Variants in CELSR1 observed in about 807,000 individuals in gnomAD.
CELSR1 encodes the protein cadherin EGF LAG seven-pass G-type receptor 1.
A neutral mutation model predicts 249.1 loss-of-function variants in CELSR1; 110 were observed. That is an observed-to-expected ratio of 0.44 (90% CI 0.38 to 0.52). The LOEUF (loss-of-function observed/expected upper bound fraction) is 0.52, where lower values mean the gene tolerates loss of function less well. CELSR1 is among the 20% of genes least tolerant of loss of function. The probability of loss-of-function intolerance (pLI) is 0.00; values close to 1 mark genes in which losing one functional copy is unlikely to be tolerated. For synonymous variants in CELSR1, 2,113 were observed against 1,900.0 expected (o/e 1.11, Z -2.92); for missense variants, 4,109 against 4,296.4 (o/e 0.96, Z 1.22).
intron 30 of CELSR1, among the ~76,000 whole-genome samples, 196 bp downstream of exon 30, chr22:46,366,190 A>ACG (rs2078776532): frequency 5.9e-4 from 2 of 3,372 alleles, no homozygotes; most frequent in Non-Finnish European, 4.7e-4. Flanking sequence ...GGGAAGGTGC[A>ACG]GGGGAAGGGA....
At chr22:46,520,579 G>C (rs1173930799) in intron 1 of CELSR1, among the ~76,000 whole-genome samples, 2 of 151,944 alleles carry the variant, frequency 1.3e-5, no homozygotes, top group African/African-American at 4.8e-5. Flanking sequence ...TCCTACCTCA[G>C]CCTCCTGAGT....
intron 3 of CELSR1, among the ~76,000 whole-genome samples, chr22:46,438,147 A>G (rs1172885132): frequency 1.3e-5 from 2 of 150,520 alleles, no homozygotes; most frequent in African/African-American, 2.5e-5. Context: ...GCAAGCAAAA[A>G]GCAAAAAAAA....
rs1408359768 is a variant in CELSR1, at chr22:46,534,080, T to C, written c.3091A>G (p.Asn1031Asp). The stretch of plus-strand genomic sequence containing the variant: ...ACAATCTGATACATGATCTGGGCAT[T>C]AGGGCCTTCATCAGGGTCGTTAGCA... ...IRANDPDEGP[N>D]AQIMYQIVEG... is the part of the protein sequence containing the mutation. Residue 1031 changes from asparagine (N) to aspartate (D), a missense_variant, in exon 1 of 35, where the codon AAT becomes GAT. Physicochemically the swap from Asn to Asp is conservative, Grantham distance 23. Transcript: ENST00000674500. The surrounding 1 kb of genome is among the most constrained non-coding windows in gnomAD (Gnocchi z 9.7). The C allele has an allele frequency of 6.2e-7, 1 of 1,613,742 alleles. No homozygotes were observed. The highest frequency in any genetic ancestry group is 1.6e-4 in the Middle Eastern group (1 of 6,062).
intron 1 of CELSR1, among the ~76,000 whole-genome samples, chr22:46,511,944 T>C (rs1193253182): frequency 6.6e-6 from 1 of 152,158 alleles, no homozygotes; most frequent in African/African-American, 2.4e-5. Context: ...CCTGCCCGGA[T>C]GACATGACGG....
Position 46,536,961 on chromosome 22 carries a change from A to G in CELSR1, c.210T>C (p.Asp70=), listed in dbSNP as rs1294747052. ...CGCGCCGACGTCCTGCCAGCCGCCC[A>G]TCGCGGCCCACGTCCAGCAGCTCCC... ...APRELLDVGR[D]GRLAGRRRVS... is the part of the protein sequence containing the mutation. Residue 70 remains aspartate (D), a synonymous_variant, in exon 1 of 35, where the codon GAT becomes GAC. Transcript: ENST00000674500. The G allele has an allele frequency of 8.7e-6, 10 of 1,148,336 alleles. No individual in the cohort carries two copies. In the Admixed American group the frequency reaches 2.4e-4, roughly 28 times the overall value. The allele number at this position is 1,148,336 out of a possible 1,614,324, so 71.1% of individuals were successfully genotyped here. A position where few individuals can be genotyped will look rare whatever the true frequency, so the allele number is the denominator to read the frequency against.
chr22:46,369,858 C>T (rs2078831615), intron 25 of CELSR1, 54 bp from the exon 26 acceptor site: 2 of 1,513,772 alleles, frequency 1.3e-6, no homozygotes, highest in Admixed American at 1.7e-5. Context: ...CAGTGGCCAC[C>T]CCATGCCAAG....
At chr22:46,460,909 T>A (rs5768782) in intron 2 of CELSR1, among the ~76,000 whole-genome samples, 60,083 of 152,062 alleles carry the variant, frequency 0.4, 12,901 homozygotes, top group South Asian at 0.55. Flanking sequence ...ATCAAATTTG[T>A]TGAGCTTTTC....
chr22:46,462,966 G>A (rs1489585026), intron 2 of CELSR1: 2 of 462,628 alleles, frequency 4.3e-6, no homozygotes, highest in Non-Finnish European at 8.9e-6. Flanking sequence ...AGACCCAAAT[G>A]ATTAATGGCT....
chr22:46,520,792 G>A (rs1245490719), intron 1 of CELSR1, among the ~76,000 whole-genome samples: 1 of 152,092 alleles, frequency 6.6e-6, no homozygotes, highest in Non-Finnish European at 1.5e-5. Context: ...GGGGCATGAA[G>A]TACCTTTACA....
At chr22:46,457,638 G>T (rs762011700) in intron 2 of CELSR1, among the ~76,000 whole-genome samples, 1 of 152,356 alleles carries the variant, frequency 6.6e-6, no homozygotes, top group South Asian at 2.1e-4. Flanking sequence ...CGCTCACAGC[G>T]CGGACAGAGA....
intron 1 of CELSR1, among the ~76,000 whole-genome samples, chr22:46,528,928 CAAAAT>C (rs139450136): frequency 0.67 from 91,820 of 137,652 alleles, 31,939 homozygotes; most frequent in African/African-American, 0.88. Context: ...GACTCTGTCT[CAAAAT>C]AAAATAAAAT....
In CELSR1 at chr22:46,402,219, CTTTT is replaced by C. The variant is rs547364572; in HGVS notation, c.5227-2321_5227-2318del. Among the ~76,000 whole-genome samples, 1,237 of 143,328 alleles carry C rather than the reference CTTTT, an allele frequency of 8.6e-3. 5 individuals are homozygous for C. Among genetic ancestry groups the C allele is most frequent in the Non-Finnish European group, 0.014 (885 of 65,054 alleles). 94.0% of individuals were successfully genotyped at this position (143,328 alleles called of 152,430 possible). A position where few individuals can be genotyped will look rare whatever the true frequency, so the allele number is the denominator to read the frequency against. On this transcript the variant is annotated intron_variant, in intron 9 of 34. Coordinates refer to ENST00000674500, the MANE Select transcript of CELSR1 (RefSeq NM_001378328.1). This position sits in a 1 kb window ranked among gnomAD's most constrained non-coding sequence, Gnocchi z 5.0. ...CATCCCCATTCTAGTTTCTCTTTTT[CTTTT>C]TTTTTTTTTTGAGACAGAGTTTCAC...
rs1450925052 is a variant in CELSR1 at position 46,454,828 on chromosome 22, TAGCTCCTCAGCGAAGG to T, written c.4183+8863_4183+8878del. 1.3e-5 allele frequency among the ~76,000 whole-genome samples: 2 copies of T among 152,242 alleles called. No individual in the cohort carries two copies. The highest frequency in any genetic ancestry group is 2.9e-5 in the Non-Finnish European group (2 of 68,034). On this transcript the variant is annotated intron_variant, in intron 2 of 34. Transcript: ENST00000674500. The surrounding 1 kb of genome is among the most constrained non-coding windows in gnomAD (Gnocchi z 5.1). Reference sequence around the variant, plus strand: ...CAACAGCCCTGGTTCCCAAACTCCTTAGCTCCTCAGCGAAGGAGCACCCACGGCTGAATTGTGTCCC... The same window carrying T: ...CAACAGCCCTGGTTCCCAAACTCCTTAGCACCCACGGCTGAATTGTGTCCC...
chr22:46,433,694 GTTTGT>G lies in CELSR1; in HGVS notation c.4523-218_4523-214del, dbSNP rs1046121984. The stretch of plus-strand genomic sequence containing the variant: ...ATTCTTGTTCCTCTTTTCTGGTTTT[GTTTGT>G]TTTGAGATGGAGTCTTGCTCTGTCG... On this transcript the variant is annotated intron_variant, in intron 4 of 34. Coordinates refer to ENST00000674500, the MANE Select transcript of CELSR1 (RefSeq NM_001378328.1). The surrounding 1 kb of genome is among the most constrained non-coding windows in gnomAD (Gnocchi z 5.7). Among the ~76,000 whole-genome samples, 3 of 152,066 alleles carry G rather than the reference GTTTGT, an allele frequency of 2.0e-5. No individual in the cohort carries two copies. Among genetic ancestry groups the G allele is most frequent in the Admixed American group, 2.0e-4 (3 of 15,272 alleles).
At chr22:46,369,117 TGGACGTCG>T in intron 27 of CELSR1, 54 bp downstream of exon 27, 1 of 1,538,046 alleles carries the variant, frequency 6.5e-7, no homozygotes, top group Non-Finnish European at 9.0e-7. Context: ...CCGCAGAGAC[TGGACGTCG>T]GGGTCTCAGG....
At chr22:46,366,564 GC>G in intron 29 of CELSR1, 84 bp from the exon 30 acceptor site, 3 of 1,110,394 alleles carry the variant, frequency 2.7e-6, no homozygotes, top group Non-Finnish European at 4.0e-6. Flanking sequence ...CCCACGGCAA[GC>G]CCCCCACACC....
chr22:46,499,901 C>T (rs575567354), intron 1 of CELSR1, among the ~76,000 whole-genome samples: 15 of 152,226 alleles, frequency 9.9e-5, no homozygotes, highest in African/African-American at 3.1e-4. Flanking sequence ...AAGCCAGAAC[C>T]GTGCCTCTTC....
At chr22:46,422,583 T>C (rs528038557) in intron 5 of CELSR1, among the ~76,000 whole-genome samples, 1 of 148,666 alleles carries the variant, frequency 6.7e-6, no homozygotes, top group Middle Eastern at 3.2e-3. Flanking sequence ...AAAAAAATAA[T>C]AATAATAAAA....
intron 23 of CELSR1, 131 bp from the exon 24 acceptor site, chr22:46,377,392 G>A: frequency 9.9e-7 from 1 of 1,014,928 alleles, no homozygotes; most frequent in Admixed American, 2.1e-5. Flanking sequence ...GCTGGGCTGG[G>A]GAGGCCGAGT....
Sources: gnomAD v4.1 joint callset for allele counts (sites outside exome capture counted in the v4.1 genomes callset) on GRCh38, gnomAD v4.1.1 for gene constraint, Gnocchi (gnomAD v3.1) non-coding constraint, MANE v1.5 for transcripts, NCBI Gene and HGNC (gene_info 2026-07-23, HGNC 2026-07-21) for gene names.